The following PCDH7 variants were observed in gnomAD, a reference collection of about 807,000 sequenced individuals.
PCDH7 encodes protocadherin 7.
Under a neutral mutation model 58.9 loss-of-function variants are expected in PCDH7, and 17 were observed. That is an observed-to-expected ratio of 0.29 (90% confidence interval 0.20 to 0.43). The LOEUF (loss-of-function observed/expected upper bound fraction) is 0.43. Among genes scored for constraint, PCDH7 ranks in the 20% least tolerant of loss-of-function variants. The pLI is 1.00. For synonymous variants in PCDH7, 664 were observed against 616.4 expected, an observed-to-expected ratio of 1.08 and a Z score of -1.14; for missense variants, 1,274 against 1,441.0, an observed-to-expected ratio of 0.88 and a Z score of 1.88.
At chr4:30,809,080 A>G (rs531944944) in intron 1 of PCDH7, among the ~76,000 whole-genome samples, 12 of 152,360 alleles carry the variant, frequency 7.9e-5, no homozygotes, top group African/African-American at 2.9e-4. Flanking sequence ...CTGGCAAAAT[A>G]GAGTTTATCA....
chr4:31,006,844 A>G (rs1427844387), intron 3 of PCDH7, among the ~76,000 whole-genome samples: 1 of 151,812 alleles, frequency 6.6e-6, no homozygotes, highest in Non-Finnish European at 1.5e-5. Context: ...GTGAGCTGAG[A>G]TCACGCTACT....
At chr4:31,070,992 C>T (rs1013315566) in intron 3 of PCDH7, among the ~76,000 whole-genome samples, 3 of 152,066 alleles carry the variant, frequency 2.0e-5, no homozygotes. Flanking sequence ...TAAAATACTA[C>T]AGCTGTCTCT....
At chr4:30,873,941 T>G (rs1253839660) in intron 1 of PCDH7, among the ~76,000 whole-genome samples, 1 of 152,158 alleles carries the variant, frequency 6.6e-6, no homozygotes, top group African/African-American at 2.4e-5. Flanking sequence ...ATTTGAAAGC[T>G]CTTTACAATG....
chr4:30,889,982 T>C (rs1173673052), intron 1 of PCDH7, among the ~76,000 whole-genome samples: 1 of 152,154 alleles, frequency 6.6e-6, no homozygotes, highest in Non-Finnish European at 1.5e-5. Context: ...TGCCAGACAA[T>C]TGGATAAGTG....
rs10692198 is a variant in PCDH7 at position 30,765,125 on chromosome 4, C to CTTTTTTTTTT, written c.70+40546_70+40555dup. On this transcript the variant is annotated intron_variant, in intron 1 of 3. Coordinates refer to the PCDH7 transcript ENST00000509759. The stretch of plus-strand genomic sequence containing the variant: ...GGAAAGAGAGATAGGACTTCAGATG[C>CTTTTTTTTTT]TTTTTTTTTTTTTTTTTTTTTTTTT... 7.1e-3 allele frequency among the ~76,000 whole-genome samples: 349 copies of CTTTTTTTTTT among 49,212 alleles called. 85 individuals carry two copies. Among genetic ancestry groups the CTTTTTTTTTT allele is most frequent in the Middle Eastern group, 0.059 (2 of 34 alleles). 32.3% of individuals were successfully genotyped at this position (49,212 alleles called of 152,430 possible). A position where few individuals can be genotyped will look rare whatever the true frequency, so the allele number is the denominator to read the frequency against.
At chr4:31,056,514 A>AAAGAAAGAAAGAAAGG (rs1560608904) in intron 3 of PCDH7, among the ~76,000 whole-genome samples, 2 of 102,506 alleles carry the variant, frequency 2.0e-5, no homozygotes, top group Non-Finnish European at 4.1e-5. Flanking sequence ...AGAAAGAAAG[A>AAAGAAAGAAAGAAAGG]AAGGGGAAGG....
intron 1 of PCDH7, among the ~76,000 whole-genome samples, chr4:30,861,583 T>C (rs1469469128): frequency 2.0e-5 from 3 of 152,192 alleles, no homozygotes; most frequent in Non-Finnish European, 4.4e-5. Flanking sequence ...AGTTCTAAAA[T>C]TTATGATTAC....
intron 1 of PCDH7, among the ~76,000 whole-genome samples, chr4:30,769,326 G>A (rs960729941): frequency 6.6e-6 from 1 of 152,234 alleles, no homozygotes; most frequent in Non-Finnish European, 1.5e-5. Flanking sequence ...CAGGTGTGGA[G>A]ACACTGCAGA....
At chr4:30,839,573 CACTT>C (rs1288245819) in intron 1 of PCDH7, among the ~76,000 whole-genome samples, 10 of 152,032 alleles carry the variant, frequency 6.6e-5, no homozygotes, top group African/African-American at 2.4e-4. Flanking sequence ...AGAAATGTAA[CACTT>C]ACCCCAGGTC....
At chr4:31,057,478 G>C (rs28710098) in intron 3 of PCDH7, among the ~76,000 whole-genome samples, 5,751 of 152,176 alleles carry the variant, frequency 0.038, 389 homozygotes, top group African/African-American at 0.13. Context: ...TTTCCTATAT[G>C]TCCGTGAGAA....
At chr4:30,725,226 T>C (rs1301071132) in intron 1 of PCDH7, 1 of 991,956 alleles carries the variant, frequency 1.0e-6, no homozygotes, top group East Asian at 1.1e-4. Flanking sequence ...TCTATAATAA[T>C]CGATACCTAT....
At chr4:31,120,450 T>C in intron 3 of PCDH7, among the ~76,000 whole-genome samples, 1 of 150,102 alleles carries the variant, frequency 6.7e-6, no homozygotes, top group African/African-American at 2.4e-5. Flanking sequence ...TCTTTTTTTT[T>C]TTTTTTTGGT....
At chr4:31,069,451 A>T (rs1044333925) in intron 3 of PCDH7, among the ~76,000 whole-genome samples, 2 of 152,070 alleles carry the variant, frequency 1.3e-5, no homozygotes, top group African/African-American at 2.4e-5. Context: ...GGATTTTTTT[A>T]AACCAAAAAA....
chr4:30,851,918 T>G (rs1732808678), intron 1 of PCDH7, among the ~76,000 whole-genome samples: 1 of 152,046 alleles, frequency 6.6e-6, no homozygotes, highest in Non-Finnish European at 1.5e-5. Flanking sequence ...CAAAATCAAC[T>G]CACATATCAT....
intron 1 of PCDH7, among the ~76,000 whole-genome samples, chr4:30,755,899 T>C: frequency 6.6e-6 from 1 of 152,048 alleles, no homozygotes; most frequent in Admixed American, 6.6e-5. Context: ...AACAAGATGG[T>C]GAAACCCCGT....
intron 3 of PCDH7, among the ~76,000 whole-genome samples, chr4:31,062,019 C>T (rs1464108028): frequency 1.3e-5 from 2 of 151,674 alleles, no homozygotes; most frequent in East Asian, 3.9e-4. Flanking sequence ...TAGAACCATA[C>T]ACAAGGGAGA....
At chr4:31,070,320 A>G (rs1232497587) in intron 3 of PCDH7, among the ~76,000 whole-genome samples, 1 of 152,066 alleles carries the variant, frequency 6.6e-6, no homozygotes, top group Non-Finnish European at 1.5e-5. Flanking sequence ...AATGGGCATA[A>G]TTATTTAGAC....
intron 3 of PCDH7, among the ~76,000 whole-genome samples, chr4:31,128,946 A>G (rs777819572): frequency 1.6e-4 from 25 of 152,178 alleles, no homozygotes; most frequent in Non-Finnish European, 2.8e-4. Context: ...CAAAAGCCAC[A>G]TTGCTTTCTC....
intron 1 of PCDH7, among the ~76,000 whole-genome samples, chr4:30,873,323 G>A (rs977967847): frequency 6.6e-6 from 1 of 151,986 alleles, no homozygotes. Flanking sequence ...AAATATTTAT[G>A]TATTATATCT....
Sources: gnomAD v4.1 joint callset for allele counts (sites outside exome capture counted in the v4.1 genomes callset) on GRCh38, gnomAD v4.1.1 for gene constraint, MANE v1.5 for transcripts, NCBI Gene and HGNC (gene_info 2026-07-23, HGNC 2026-07-21) for gene names.